Variants in ATP6V0C observed in about 807,000 individuals in gnomAD.
ATP6V0C encodes V-type proton ATPase 16 kDa proteolipid subunit c.
ATP6V0C carries 2 observed loss-of-function variants against 10.6 expected under a neutral mutation model. The observed-to-expected ratio is 0.19, with a 90% CI of 0.08 to 0.59. ATP6V0C has a LOEUF of 0.59. Among genes scored for constraint, ATP6V0C ranks in the 20% least tolerant of loss-of-function variants. The pLI, the probability that ATP6V0C is intolerant of heterozygous loss-of-function variation, is 0.90. For missense variants in ATP6V0C, 89 were observed against 225.9 expected (o/e 0.39, Z 3.88); for synonymous variants, 128 against 101.3 (o/e 1.26, Z -1.59).
At chr16:2,518,751 C>T (rs149238329) in intron 1 of ATP6V0C, among the ~76,000 whole-genome samples, 5 of 152,182 alleles carry the variant, frequency 3.3e-5, no homozygotes, top group South Asian at 4.1e-4. Context: ...CTGCTTCTGA[C>T]CCTCCGGTCA....
chr16:2,519,285 G>A lies in ATP6V0C; in HGVS notation c.147G>A (p.Pro49=), dbSNP rs150070629. The change falls in exon 2 of 3, where the codon CCG becomes CCA. Residue 49 remains proline (P), a synonymous_variant. Transcript: ENST00000330398. ...TTGCGGCCATGTCTGTCATGCGGCCGGAGCAGATCATGAAGTCCATCATCC... is the reference window on the plus strand; with the variant it reads ...TTGCGGCCATGTCTGTCATGCGGCCAGAGCAGATCATGAAGTCCATCATCC... ...TGIAAMSVMR[P]EQIMKSIIPV... The A allele has an allele frequency of 1.0e-4, 163 of 1,614,070 alleles. No individual in the cohort carries two copies. The highest frequency in any genetic ancestry group is 3.5e-4 in the African/African-American group (26 of 74,952).
At chr16:2,519,439 G>GA in intron 2 of ATP6V0C, 38 bp downstream of exon 2, 1 of 1,586,154 alleles carries the variant, frequency 6.3e-7, no homozygotes, top group South Asian at 1.1e-5. Flanking sequence ...AGGGCTGGAG[G>GA]ACTGCAGGGA....
chr16:2,518,798 T>G (rs1038883252), intron 1 of ATP6V0C, among the ~76,000 whole-genome samples: 1 of 152,098 alleles, frequency 6.6e-6, no homozygotes, highest in Admixed American at 6.5e-5. Flanking sequence ...CCCAAGACCT[T>G]TGGTGGCTTT....
At chr16:2,514,444 C>T (rs1400763833) in intron 1 of ATP6V0C, 1 of 136,204 alleles carries the variant, frequency 7.3e-6, no homozygotes, top group Non-Finnish European at 1.5e-5. Flanking sequence ...CCGGGTCGTG[C>T]GGTTGCGGGG....
intron 1 of ATP6V0C, chr16:2,516,797 C>G (rs2065879164): frequency 6.6e-6 from 1 of 152,578 alleles, no homozygotes; most frequent in African/African-American, 2.4e-5. Flanking sequence ...TTCTGGCCCC[C>G]CACTCTTTCT....
Position 2,519,793 on chromosome 16 carries a change from C to T in ATP6V0C, c.*48C>T, listed in dbSNP as rs1022499437. On this transcript the variant is annotated 3_prime_UTR_variant, in exon 3 of 3. Coordinates refer to ENST00000330398, the MANE Select transcript of ATP6V0C (RefSeq NM_001694.4). Reference sequence around the variant, plus strand: ...ACAGAATATTATGTAAAGACCACCCCTCCTCATTCCAGAACGAACAGCCTG... The same window carrying T: ...ACAGAATATTATGTAAAGACCACCCTTCCTCATTCCAGAACGAACAGCCTG... 2 of 1,578,354 alleles carry T rather than the reference C, an allele frequency of 1.3e-6. No individual in the cohort carries two copies. Among genetic ancestry groups the T allele is most frequent in the Non-Finnish European group, 1.7e-6 (2 of 1,156,086 alleles).
intron 1 of ATP6V0C, chr16:2,517,662 T>C (rs1402539538): frequency 6.6e-6 from 1 of 152,326 alleles, no homozygotes; most frequent in African/African-American, 2.4e-5. Flanking sequence ...GTAGGGGTAG[T>C]CCTGGTCCCT....
At position 2,519,613 on chromosome 16, in the gene ATP6V0C, C is replaced by T. The variant is rs777875089; in HGVS notation, c.336C>T (p.Ile112=). 1.4e-5 allele frequency: 23 copies of T among 1,597,210 alleles called. No individual in the cohort carries two copies. The highest frequency in any genetic ancestry group is 1.1e-4 in the South Asian group (10 of 90,354). ...TGGCAGCCGGCTTTGCCATCGGCAT[C>T]GTGGGGGACGCTGGCGTGCGGGGCA... ...SGLAAGFAIG[I]VGDAGVRGTA... Residue 112 remains isoleucine (I), a synonymous_variant, in exon 3 of 3, where the codon ATC becomes ATT. Coordinates refer to ENST00000330398, the MANE Select transcript of ATP6V0C (RefSeq NM_001694.4).
intron 1 of ATP6V0C, 92 bp downstream of exon 1, chr16:2,514,274 G>T: frequency 7.4e-7 from 1 of 1,348,026 alleles, no homozygotes; most frequent in South Asian, 1.4e-5. Context: ...ACGTCACTCT[G>T]ACGTAATCCC....
chr16:2,514,661 A>G (rs1426149853), intron 1 of ATP6V0C, among the ~76,000 whole-genome samples: 3 of 151,952 alleles, frequency 2.0e-5, no homozygotes, highest in Non-Finnish European at 2.9e-5. Flanking sequence ...TGGGGAGCCC[A>G]TGTCCCCCAC....
chr16:2,514,339 G>C, intron 1 of ATP6V0C, 157 bp downstream of exon 1: 1 of 776,986 alleles, frequency 1.3e-6, no homozygotes, highest in Non-Finnish European at 1.8e-6. Context: ...TCGGCGCCCC[G>C]AGGGCTGCGG....
At chr16:2,515,032 G>A (rs1232902413) in intron 1 of ATP6V0C, among the ~76,000 whole-genome samples, 3 of 152,086 alleles carry the variant, frequency 2.0e-5, no homozygotes, top group Admixed American at 1.3e-4. Context: ...TGAATGGAGG[G>A]GTGAATGAAT....
Position 2,514,030 on chromosome 16 carries a change from T to C in ATP6V0C, c.-74T>C. Reference sequence around the variant, plus strand: ...GCCGCCGCCCGCCCGCAAACCTTCGTGCCCGGCCCGTCCTCGCCCCCGCCT... The same window carrying C: ...GCCGCCGCCCGCCCGCAAACCTTCGCGCCCGGCCCGTCCTCGCCCCCGCCT... On this transcript the variant is annotated 5_prime_UTR_variant, in exon 1 of 3. Transcript: ENST00000330398. 2 of 1,404,906 alleles carry C rather than the reference T, an allele frequency of 1.4e-6. No homozygotes were observed. Among genetic ancestry groups the C allele is most frequent in the African/African-American group, 1.5e-5 (1 of 66,582 alleles). The allele number at this position is 1,404,906 out of a possible 1,614,324, so 87.0% of individuals were successfully genotyped here. A position where few individuals can be genotyped will look rare whatever the true frequency, so the allele number is the denominator to read the frequency against.
At chr16:2,515,535 A>C (rs2065873067) in intron 1 of ATP6V0C, among the ~76,000 whole-genome samples, 1 of 152,014 alleles carries the variant, frequency 6.6e-6, no homozygotes, top group African/African-American at 2.4e-5. Context: ...CGTCGTGTGC[A>C]AGTAAGGGGT....
At chr16:2,518,830 G>C (rs990234286) in intron 1 of ATP6V0C, among the ~76,000 whole-genome samples, 1 of 152,226 alleles carries the variant, frequency 6.6e-6, no homozygotes, top group African/African-American at 2.4e-5. Context: ...GTCCTGGGCA[G>C]TAGCCCCAAG....
chr16:2,516,633 C>T (rs2141890540), intron 1 of ATP6V0C: 1 of 152,594 alleles, frequency 6.6e-6, no homozygotes. Flanking sequence ...AGGCCCCCGT[C>T]CCAGCTTCCC....
At position 2,519,315 on chromosome 16, in the gene ATP6V0C, G is replaced by C. The variant is rs760616550; in HGVS notation, c.177G>C (p.Val59=). 1 of 1,614,078 alleles carries C rather than the reference G, an allele frequency of 6.2e-7. No homozygotes were observed. The highest frequency in any genetic ancestry group is 8.5e-7 in the Non-Finnish European group (1 of 1,180,016). ...PEQIMKSIIP[V]VMAGIIAIYG... ...AGATCATGAAGTCCATCATCCCAGTGGTCATGGCTGGCATCATCGCCATCT... is the reference window on the plus strand; with the variant it reads ...AGATCATGAAGTCCATCATCCCAGTCGTCATGGCTGGCATCATCGCCATCT... The change falls in exon 2 of 3, where the codon GTG becomes GTC. Residue 59 remains valine, a synonymous_variant. Transcript: ENST00000330398.
Position 2,520,143 on chromosome 16 carries a change from T to C in ATP6V0C, c.*398T>C, listed in dbSNP as rs999582385. 1.1e-5 allele frequency: 6 copies of C among 551,112 alleles called. No individual in the cohort carries two copies. The highest frequency in any genetic ancestry group is 3.8e-5 in the African/African-American group (2 of 52,980). The allele number at this position is 551,112 out of a possible 1,614,324, so 34.1% of individuals were successfully genotyped here. On this transcript the variant is annotated 3_prime_UTR_variant, in exon 3 of 3. Transcript: ENST00000330398. ...CTTGTGGGTTCCTGTTGCTGAGACT[T>C]CCTGGATGGAGCCGCCCTCACCGCC...
chr16:2,517,542 C>G (rs114099041), intron 1 of ATP6V0C: 1 of 152,304 alleles, frequency 6.6e-6, no homozygotes, highest in Non-Finnish European at 1.5e-5. Flanking sequence ...TGGAGCATGT[C>G]TCTGTGCCTG....
Sources: gnomAD v4.1 joint callset for allele counts (sites outside exome capture counted in the v4.1 genomes callset) on GRCh38, gnomAD v4.1.1 for gene constraint, MANE v1.5 for transcripts, NCBI Gene and HGNC (gene_info 2026-07-23, HGNC 2026-07-21) for gene names.